The following UBE2W variants were observed in gnomAD, a reference collection of about 807,000 sequenced individuals.
The protein encoded by UBE2W is ubiquitin-conjugating enzyme E2 W.
In UBE2W, 18 loss-of-function variants were observed where a neutral mutation model predicts 27.2. That is an observed-to-expected ratio of 0.66 (90% CI 0.46 to 0.98). The LOEUF (loss-of-function observed/expected upper bound fraction) is 0.98. UBE2W is among the 50% of genes least tolerant of loss of function. UBE2W has a pLI of 0.00. For synonymous variants in UBE2W, 53 were observed against 57.2 expected (o/e 0.93, Z 0.33); for missense variants, 90 against 180.2 (o/e 0.50, Z 2.87).
intron 1 of UBE2W, among the ~76,000 whole-genome samples, chr8:73,844,564 G>A (rs1197828775): frequency 3.9e-5 from 6 of 151,994 alleles, no homozygotes; most frequent in East Asian, 1.9e-4. Flanking sequence ...CTGCCCGGCC[G>A]CCACCCCGTC....
intron 1 of UBE2W, among the ~76,000 whole-genome samples, chr8:73,864,110 A>C (rs1484175632): frequency 6.6e-6 from 1 of 152,164 alleles, no homozygotes; most frequent in Non-Finnish European, 1.5e-5. Flanking sequence ...AAATCAAAAT[A>C]CAGCTGGGCA....
chr8:73,853,807 TAAAAA>T (rs1421830395), intron 1 of UBE2W, among the ~76,000 whole-genome samples: 1 of 151,758 alleles, frequency 6.6e-6, no homozygotes, highest in Non-Finnish European at 1.5e-5. Flanking sequence ...AAATGGGAAA[TAAAAA>T]GAAAAGATGA....
At chr8:73,840,380 T>C (rs1810492036) in intron 1 of UBE2W, among the ~76,000 whole-genome samples, 1 of 152,226 alleles carries the variant, frequency 6.6e-6, no homozygotes, top group Admixed American at 6.5e-5. Context: ...TCTAAATTAG[T>C]CTGGCTTCTA....
intron 5 of UBE2W, chr8:73,796,672 G>T: frequency 1.0e-6 from 1 of 984,796 alleles, no homozygotes; most frequent in Non-Finnish European, 1.2e-6. Flanking sequence ...GGACTTGCGG[G>T]ACTACGAATC....
chr8:73,843,317 T>G (rs932399436), intron 1 of UBE2W, among the ~76,000 whole-genome samples: 3 of 152,214 alleles, frequency 2.0e-5, no homozygotes, highest in Non-Finnish European at 4.4e-5. Context: ...GACTATTTTA[T>G]GACATGTAAA....
chr8:73,853,773 C>T (rs1234319966), intron 1 of UBE2W, among the ~76,000 whole-genome samples: 1 of 152,008 alleles, frequency 6.6e-6, no homozygotes, highest in Admixed American at 6.6e-5. Context: ...TTAATATTCA[C>T]AGATGACAAT....
chr8:73,817,334 A>G (rs1441898593), intron 3 of UBE2W, among the ~76,000 whole-genome samples: 1 of 152,206 alleles, frequency 6.6e-6, no homozygotes, highest in Non-Finnish European at 1.5e-5. Flanking sequence ...TCTCAAAAAT[A>G]ATAATGATAA....
At chr8:73,804,001 C>T (rs1808760521) in intron 5 of UBE2W, among the ~76,000 whole-genome samples, 3 of 150,924 alleles carry the variant, frequency 2.0e-5, no homozygotes, top group South Asian at 4.2e-4. Context: ...CTCCTGGTCT[C>T]GTGATCCACC....
At chr8:73,847,234 T>C (rs1229009105) in intron 1 of UBE2W, among the ~76,000 whole-genome samples, 1 of 151,956 alleles carries the variant, frequency 6.6e-6, no homozygotes, top group African/African-American at 2.4e-5. Flanking sequence ...AAAAACACCA[T>C]AATGGCTAAT....
At chr8:73,808,919 CATT>C (rs1434246794) in intron 4 of UBE2W, among the ~76,000 whole-genome samples, 2 of 152,062 alleles carry the variant, frequency 1.3e-5, no homozygotes, top group African/African-American at 4.8e-5. Context: ...AATAATAAAT[CATT>C]ATATTTAAAT....
At chr8:73,784,356 T>A (rs143212887), downstream of UBE2W, among the ~76,000 whole-genome samples, 440 of 152,272 alleles carry the variant, frequency 2.9e-3, 1 homozygote, top group Admixed American at 6.0e-3. Flanking sequence ...TCAGTAGGCA[T>A]TCAATATTTA....
Position 73,791,266 on chromosome 8 carries a change from A to AG in UBE2W, c.*2835dup. 3.1e-6 allele frequency: 3 copies of AG among 982,320 alleles called. No homozygotes were observed. Among genetic ancestry groups the AG allele is most frequent in the Non-Finnish European group, 3.6e-6 (3 of 828,972 alleles). 60.9% of individuals were successfully genotyped at this position (982,320 alleles called of 1,614,324 possible). On this transcript the variant is annotated 3_prime_UTR_variant, in exon 6 of 6. Transcript: ENST00000602593. ...ATGGCATTAATCCCTACTTGACCAA[A>AG]GAAAAAAAAAAAAAAGAAGGGCATC...
chr8:73,804,809 CA>C (rs1404209297), intron 5 of UBE2W, among the ~76,000 whole-genome samples: 1 of 151,946 alleles, frequency 6.6e-6, no homozygotes, highest in African/African-American at 2.4e-5. Context: ...CAGCTCACTT[CA>C]ACCTTCGCCA....
rs940043896 is a variant in UBE2W at position 73,792,402 on chromosome 8, C to T, written c.*1700G>A. ...AGACATATTTTTGAAGTCTACCCAC[C>T]CCTGAGTTCAGCAATTATACTTTGA... is the stretch of plus-strand genomic sequence containing the variant. On this transcript the variant is annotated 3_prime_UTR_variant, in exon 6 of 6. Coordinates refer to ENST00000602593, the MANE Select transcript of UBE2W (RefSeq NM_018299.6). 47 of 985,348 alleles carry T rather than the reference C, an allele frequency of 4.8e-5. No homozygotes were observed. In the South Asian group the frequency reaches 8.9e-4, roughly 19 times the overall value. 61.0% of individuals were successfully genotyped at this position (985,348 alleles called of 1,614,324 possible). A position where few individuals can be genotyped will look rare whatever the true frequency, so the allele number is the denominator to read the frequency against.
intron 1 of UBE2W, among the ~76,000 whole-genome samples, chr8:73,860,715 G>GA (rs1811501982): frequency 6.6e-6 from 1 of 152,140 alleles, no homozygotes; most frequent in Non-Finnish European, 1.5e-5. Flanking sequence ...AATTCAGGAA[G>GA]AAAGTTCAAA....
intron 1 of UBE2W, among the ~76,000 whole-genome samples, chr8:73,832,132 A>T (rs955473695): frequency 7.7e-6 from 1 of 129,826 alleles, no homozygotes; most frequent in African/African-American, 4.3e-5. Flanking sequence ...AAAAAAAATA[A>T]ATAAATATAT....
chr8:73,864,828 C>T (rs1811682455), intron 1 of UBE2W, among the ~76,000 whole-genome samples: 1 of 149,964 alleles, frequency 6.7e-6, no homozygotes, highest in African/African-American at 2.5e-5. Flanking sequence ...TGGTCTCAAA[C>T]TCCTGACAAG....
chr8:73,786,554 T>G lies in UBE2W; in HGVS notation c.*7548A>C. The G allele has an allele frequency of 5.1e-6, 5 of 985,432 alleles. No individual in the cohort carries two copies. The highest frequency in any genetic ancestry group is 6.0e-6 in the Non-Finnish European group (5 of 829,928). 61.0% of individuals were successfully genotyped at this position (985,432 alleles called of 1,614,324 possible). ...GGGAGAGAAGAAAGGACAAGGATGA[T>G]AACCTTTCAGCTACCTTTGAACTAG... On this transcript the variant is annotated 3_prime_UTR_variant, in exon 6 of 6. Transcript: ENST00000602593.
chr8:73,854,848 C>G (rs996798785), intron 1 of UBE2W, among the ~76,000 whole-genome samples: 2 of 152,130 alleles, frequency 1.3e-5, no homozygotes, highest in Non-Finnish European at 2.9e-5. Context: ...TACATAAAGT[C>G]AATTAACATG....
Sources: allele counts gnomAD v4.1 joint callset (sites outside exome capture counted in the v4.1 genomes callset), GRCh38; gene constraint gnomAD v4.1.1; transcripts MANE v1.5; gene names NCBI Gene and HGNC (gene_info 2026-07-23, HGNC 2026-07-21).